The following TNNI3K variants were observed in gnomAD, a reference collection of about 807,000 sequenced individuals.
TNNI3K encodes the protein serine/threonine-protein kinase TNNI3K.
A neutral mutation model predicts 114.5 loss-of-function variants in TNNI3K; 140 were observed. The ratio of observed to expected loss-of-function variants is 1.22; its 90% CI spans 1.07 to 1.41. The LOEUF is 1.41. Ranked by LOEUF, TNNI3K falls within the 40% of genes most tolerant of loss-of-function variation. The pLI, the probability that TNNI3K is intolerant of heterozygous loss-of-function variation, is 0.00. For missense variants in TNNI3K, 1,125 were observed against 1,007.6 expected, an observed-to-expected ratio of 1.12 and a Z score of -1.58; for synonymous variants, 347 against 347.5, an observed-to-expected ratio of 1.00 and a Z score of 0.02.
intron 4 of TNNI3K, among the ~76,000 whole-genome samples, chr1:74,252,155 C>A (rs1344982942): frequency 6.6e-6 from 1 of 152,204 alleles, no homozygotes; most frequent in African/African-American, 2.4e-5. Flanking sequence ...TTTAGCATGA[C>A]ATTGGCACAC....
intron 5 of TNNI3K, among the ~76,000 whole-genome samples, chr1:74,321,890 G>A (rs1659629210): frequency 6.6e-6 from 1 of 151,922 alleles, no homozygotes; most frequent in African/African-American, 2.4e-5. Flanking sequence ...TTCAACCAAT[G>A]TTATAACTGA....
At chr1:74,312,022 C>A (rs1659022109) in intron 5 of TNNI3K, among the ~76,000 whole-genome samples, 1 of 152,124 alleles carries the variant, frequency 6.6e-6, no homozygotes. Flanking sequence ...TATTTAGATT[C>A]TATGAGTTCT....
intron 9 of TNNI3K, among the ~76,000 whole-genome samples, chr1:74,347,274 C>G (rs957190298): frequency 1.3e-5 from 2 of 150,734 alleles, no homozygotes; most frequent in Non-Finnish European, 1.5e-5. Flanking sequence ...CCTTGTGATA[C>G]TTTGCTGAGA....
intron 23 of TNNI3K, among the ~76,000 whole-genome samples, chr1:74,493,573 T>A (rs981479770): frequency 2.0e-5 from 3 of 152,208 alleles, no homozygotes; most frequent in African/African-American, 7.2e-5. Context: ...TAATTCCGTA[T>A]AATAACCCAT....
intron 17 of TNNI3K, among the ~76,000 whole-genome samples, chr1:74,385,964 C>T (rs763302338): frequency 6.6e-6 from 1 of 152,192 alleles, no homozygotes; most frequent in Admixed American, 6.5e-5. Flanking sequence ...CCCCATGTGT[C>T]GTGGGAGGGA....
chr1:74,485,506 A>G (rs2100276841), intron 21 of TNNI3K, among the ~76,000 whole-genome samples: 1 of 152,282 alleles, frequency 6.6e-6, no homozygotes, highest in Non-Finnish European at 1.5e-5. Context: ...GGATTCTAAC[A>G]TGACCTGCAA....
At chr1:74,420,343 G>A (rs932725492) in intron 17 of TNNI3K, among the ~76,000 whole-genome samples, 7 of 152,048 alleles carry the variant, frequency 4.6e-5, no homozygotes, top group African/African-American at 1.7e-4. Context: ...TCAAAGAAAA[G>A]GAAGAAAAGA....
Position 74,543,942 on chromosome 1 carries a change from A to T in TNNI3K, c.2468A>T (p.His823Leu), listed in dbSNP as rs747237238. The change falls in exon 25 of 25, where the codon CAT (histidine) becomes CTT (leucine). Residue 823 changes from histidine to leucine, a missense_variant. Transcript: ENST00000326637. Reference protein sequence around the residue: ...VSDPMSSMHFHSCRNSSSFED... With the variant: ...VSDPMSSMHFLSCRNSSSFED... ...GATCCCATGAGCTCAATGCATTTTC[A>T]TTCTTGCCGAAATAGTAGCAGCTTT... The T allele has an allele frequency of 5.0e-6, 8 of 1,613,378 alleles. No homozygotes were observed. In the East Asian group the frequency reaches 1.8e-4, roughly 36 times the overall value.
At chr1:74,337,566 A>T (rs1363712901) in intron 7 of TNNI3K, among the ~76,000 whole-genome samples, 1 of 152,138 alleles carries the variant, frequency 6.6e-6, no homozygotes, top group Non-Finnish European at 1.5e-5. Context: ...AAATTGAGAC[A>T]TTATTTACTT....
At chr1:74,248,035 G>A (rs1255325136) in intron 2 of TNNI3K, among the ~76,000 whole-genome samples, 1 of 152,264 alleles carries the variant, frequency 6.6e-6, no homozygotes, top group African/African-American at 2.4e-5. Flanking sequence ...GCGGGCTGCA[G>A]GTCCTGAGCC....
At chr1:74,335,895 A>G (rs1660437669) in intron 6 of TNNI3K, 116 bp from the exon 7 acceptor site, 4 of 1,118,468 alleles carry the variant, frequency 3.6e-6, no homozygotes, top group Non-Finnish European at 4.9e-6. Context: ...ACTTCTTGCT[A>G]GGTGATATAA....
intron 2 of TNNI3K, among the ~76,000 whole-genome samples, chr1:74,238,797 C>A (rs1008398507): frequency 1.3e-5 from 2 of 151,938 alleles, no homozygotes; most frequent in South Asian, 2.1e-4. Flanking sequence ...GATAAGGAAG[C>A]TGAGGAGAGG....
At chr1:74,406,088 T>G (rs1664598989) in intron 17 of TNNI3K, among the ~76,000 whole-genome samples, 1 of 152,224 alleles carries the variant, frequency 6.6e-6, no homozygotes, top group Non-Finnish European at 1.5e-5. Flanking sequence ...TGGGAGGCTC[T>G]TGCTGGAAAG....
chr1:74,544,416 G>A lies in TNNI3K; in HGVS notation c.*434G>A, dbSNP rs997451231. ...CACCTCTGTGATTAAAGATTCTTTG[G>A]TGAAATAGAAAATTGATTTATGAGT... On this transcript the variant is annotated 3_prime_UTR_variant, in exon 25 of 25. Coordinates refer to ENST00000326637, the MANE Select transcript of TNNI3K (RefSeq NM_015978.3). 2 of 153,596 alleles carry A rather than the reference G, an allele frequency of 1.3e-5. No individual in the cohort carries two copies. Among genetic ancestry groups the A allele is most frequent in the South Asian group, 2.1e-4 (1 of 4,838 alleles). 9.5% of individuals were successfully genotyped at this position (153,596 alleles called of 1,614,324 possible). A position where few individuals can be genotyped will look rare whatever the true frequency, so the allele number is the denominator to read the frequency against.
intron 23 of TNNI3K, among the ~76,000 whole-genome samples, chr1:74,501,388 T>C (rs1468962890): frequency 6.6e-6 from 1 of 152,240 alleles, no homozygotes; most frequent in Non-Finnish European, 1.5e-5. Context: ...ACTTTTCTTC[T>C]TTTATTTCTT....
intron 5 of TNNI3K, among the ~76,000 whole-genome samples, chr1:74,296,524 G>A (rs1457748803): frequency 6.6e-6 from 1 of 151,624 alleles, no homozygotes; most frequent in Non-Finnish European, 1.5e-5. Context: ...ATTCCATTCT[G>A]TGTGTCTGTT....
chr1:74,256,685 C>T (rs1655335472), intron 4 of TNNI3K, among the ~76,000 whole-genome samples: 1 of 152,032 alleles, frequency 6.6e-6, no homozygotes, highest in Non-Finnish European at 1.5e-5. Flanking sequence ...TCATAGTCCA[C>T]TCCCTGCAAA....
intron 20 of TNNI3K, among the ~76,000 whole-genome samples, chr1:74,443,822 G>A (rs907041601): frequency 2.0e-5 from 3 of 152,206 alleles, no homozygotes; most frequent in Non-Finnish European, 2.9e-5. Flanking sequence ...CAATCAAGTG[G>A]GCTTCATCCC....
chr1:74,330,369 G>A (rs910538338), intron 5 of TNNI3K, among the ~76,000 whole-genome samples: 7 of 152,098 alleles, frequency 4.6e-5, no homozygotes, highest in African/African-American at 7.2e-5. Flanking sequence ...TCAGCCCAGA[G>A]AAGTCACCAG....
Sources: gnomAD v4.1 joint callset for allele counts (sites outside exome capture counted in the v4.1 genomes callset) on GRCh38, gnomAD v4.1.1 for gene constraint, MANE v1.5 for transcripts, NCBI Gene and HGNC (gene_info 2026-07-23, HGNC 2026-07-21) for gene names.